Variants in KCNAB1 observed in about 807,000 individuals in gnomAD.
KCNAB1 encodes the protein potassium voltage-gated channel subfamily A regulatory beta subunit 1.
A neutral mutation model predicts 64.6 loss-of-function variants in KCNAB1; 35 were observed. That is an observed-to-expected ratio of 0.54 (90% confidence interval 0.41 to 0.72). The LOEUF is 0.72. Ranked by LOEUF, KCNAB1 falls within the 30% of genes least tolerant of loss-of-function variation. The pLI, the probability that KCNAB1 is intolerant of heterozygous loss-of-function variation, is 0.00. For missense variants in KCNAB1, 401 were observed against 512.9 expected (o/e 0.78, Z 2.11); for synonymous variants, 177 against 183.8 (o/e 0.96, Z 0.30).
At chr3:156,124,847 G>A (rs747530224) in intron 1 of KCNAB1, among the ~76,000 whole-genome samples, 2 of 152,018 alleles carry the variant, frequency 1.3e-5, no homozygotes, top group African/African-American at 2.4e-5. Context: ...CCATTATAAA[G>A]AATGGTCGTA....
chr3:156,428,020 C>T (rs1234668139), intron 2 of KCNAB1, among the ~76,000 whole-genome samples: 1 of 152,158 alleles, frequency 6.6e-6, no homozygotes, highest in African/African-American at 2.4e-5. Flanking sequence ...GCATGCTTCC[C>T]AGCAGGCAAG....
At chr3:156,318,700 C>T (rs1368468928) in intron 1 of KCNAB1, among the ~76,000 whole-genome samples, 1 of 152,162 alleles carries the variant, frequency 6.6e-6, no homozygotes, top group Non-Finnish European at 1.5e-5. Context: ...TGTGAATGCT[C>T]TTAAATTTTA....
intron 1 of KCNAB1, among the ~76,000 whole-genome samples, chr3:156,323,876 A>G (rs534863054): frequency 4.6e-4 from 70 of 152,310 alleles, no homozygotes; most frequent in African/African-American, 1.6e-3. Flanking sequence ...GAGAATTATT[A>G]TGGAAATGGC....
chr3:156,161,232 G>T (rs889234014), intron 1 of KCNAB1, among the ~76,000 whole-genome samples: 1 of 152,126 alleles, frequency 6.6e-6, no homozygotes, highest in Non-Finnish European at 1.5e-5. Context: ...GCCCAGTGGG[G>T]GTAGGCCTGG....
intron 1 of KCNAB1, chr3:156,291,576 C>T: frequency 5.8e-6 from 7 of 1,215,146 alleles, no homozygotes; most frequent in Non-Finnish European, 7.3e-6. Flanking sequence ...GTAAAAACCT[C>T]CCCCACTGCA....
intron 5 of KCNAB1, 23 bp from the exon 6 acceptor site, chr3:156,463,679 G>A (rs763380265): frequency 1.3e-6 from 2 of 1,575,974 alleles, no homozygotes; most frequent in Admixed American, 1.8e-5. Context: ...CTACTTCTCT[G>A]TGTTTGTCTT....
chr3:156,235,994 A>C (rs1205756184), intron 1 of KCNAB1, among the ~76,000 whole-genome samples: 1 of 152,224 alleles, frequency 6.6e-6, no homozygotes, highest in East Asian at 1.9e-4. Context: ...TAAACCACCT[A>C]CTGGAGATGG....
At chr3:156,531,679 T>C (rs1021199069) in intron 13 of KCNAB1, among the ~76,000 whole-genome samples, 182 bp downstream of exon 13, 4 of 152,218 alleles carry the variant, frequency 2.6e-5, no homozygotes, top group African/African-American at 9.6e-5. Flanking sequence ...GAACAGGCAG[T>C]ATTCCCAAAG....
chr3:156,421,933 C>G (rs1715492692), intron 2 of KCNAB1, among the ~76,000 whole-genome samples: 1 of 152,110 alleles, frequency 6.6e-6, no homozygotes, highest in South Asian at 2.1e-4. Flanking sequence ...TGCGTCACTC[C>G]CATTTAGCAA....
intron 1 of KCNAB1, among the ~76,000 whole-genome samples, chr3:156,392,113 T>C (rs560073442): frequency 2.6e-5 from 4 of 152,288 alleles, no homozygotes; most frequent in African/African-American, 9.6e-5. Context: ...TCTCCAGCCA[T>C]TCTCCTACCC....
rs947503880 is a variant in KCNAB1 at position 156,333,343 on chromosome 3, T to TACACAC, written c.276-88260_276-88255dup. ...AAACACACACACACACACACACACA[T>TACACAC]ACACACACACACACACACGTGTATA... On this transcript the variant is annotated intron_variant, in intron 1 of 13. Transcript: ENST00000490337. Among the ~76,000 whole-genome samples the TACACAC allele has an allele frequency of 3.4e-5, 4 of 119,402 alleles. No homozygotes were observed. The South Asian group carries it at 8.3e-4, about 25-fold the overall frequency. 78.3% of individuals were successfully genotyped at this position (119,402 alleles called of 152,430 possible).
intron 12 of KCNAB1, among the ~76,000 whole-genome samples, chr3:156,527,645 CT>C (rs1559931795): frequency 1.3e-5 from 2 of 152,214 alleles, no homozygotes; most frequent in South Asian, 2.1e-4. Flanking sequence ...TTAAAACATG[CT>C]TTTTTTCCCC....
At chr3:156,342,585 C>CTTTTTTTTTTTTTTTTTTTTTTTTAT (rs60982892) in intron 1 of KCNAB1, among the ~76,000 whole-genome samples, 2 of 86,254 alleles carry the variant, frequency 2.3e-5, no homozygotes, top group South Asian at 3.8e-4. Flanking sequence ...CTATGTGTTT[C>CTTTTTTTTTTTTTTTTTTTTTTTTAT]TTTTTTTTTT....
intron 1 of KCNAB1, among the ~76,000 whole-genome samples, chr3:156,356,255 C>T (rs1725233989): frequency 6.6e-6 from 1 of 151,972 alleles, no homozygotes; most frequent in African/African-American, 2.4e-5. Flanking sequence ...GCTTGGAAAC[C>T]TGTCATAATG....
intron 1 of KCNAB1, among the ~76,000 whole-genome samples, chr3:156,211,026 A>G (rs937946522): frequency 1.3e-5 from 2 of 152,172 alleles, no homozygotes. Context: ...TTTGTGAATG[A>G]TAATGAAATC....
intron 1 of KCNAB1, among the ~76,000 whole-genome samples, chr3:156,227,238 A>C (rs1716235792): frequency 6.6e-6 from 1 of 152,250 alleles, no homozygotes; most frequent in South Asian, 2.1e-4. Context: ...GTTCTTTTTT[A>C]TACTTTTACA....
intron 1 of KCNAB1, among the ~76,000 whole-genome samples, chr3:156,278,510 A>G (rs1719487391): frequency 6.6e-6 from 1 of 152,244 alleles, no homozygotes; most frequent in Non-Finnish European, 1.5e-5. Flanking sequence ...TGCTTGCAAC[A>G]TAGCGGGTGC....
chr3:156,439,480 T>C (rs1315231206), intron 2 of KCNAB1, among the ~76,000 whole-genome samples: 1 of 152,178 alleles, frequency 6.6e-6, no homozygotes, highest in Non-Finnish European at 1.5e-5. Flanking sequence ...GGAGAGACAG[T>C]GATGAACAAG....
intron 1 of KCNAB1, among the ~76,000 whole-genome samples, chr3:156,356,002 G>A (rs1034660895): frequency 6.6e-6 from 1 of 151,592 alleles, no homozygotes; most frequent in Admixed American, 6.6e-5. Context: ...TGCACCTGTA[G>A]TCCCAGCTAC....
Sources: allele counts gnomAD v4.1 joint callset (sites outside exome capture counted in the v4.1 genomes callset), GRCh38; gene constraint gnomAD v4.1.1; transcripts MANE v1.5; gene names NCBI Gene and HGNC (gene_info 2026-07-23, HGNC 2026-07-21).